AGPAT4: variants seen among roughly 807,000 people sequenced by gnomAD.
AGPAT4 encodes the protein 1-acylglycerol-3-phosphate O-acyltransferase 4.
In AGPAT4, 15 loss-of-function variants were observed where a neutral mutation model predicts 48.0. That is an observed-to-expected ratio of 0.31 (90% confidence interval 0.21 to 0.48). The LOEUF is 0.48. Ranked by LOEUF, AGPAT4 falls within the 20% of genes least tolerant of loss-of-function variation. The pLI is 0.99. For missense variants in AGPAT4, 314 were observed against 482.5 expected (o/e 0.65, Z 3.27); for synonymous variants, 178 against 198.7 (o/e 0.90, Z 0.88).
intron 5 of AGPAT4, among the ~76,000 whole-genome samples, chr6:161,151,807 T>C (rs924821601): frequency 6.6e-6 from 1 of 152,094 alleles, no homozygotes; most frequent in Non-Finnish European, 1.5e-5. Flanking sequence ...TGCTGGACAG[T>C]GCAGAGCGCA....
chr6:161,224,182 T>C (rs1423934524), intron 2 of AGPAT4, among the ~76,000 whole-genome samples: 1 of 152,192 alleles, frequency 6.6e-6, no homozygotes, highest in African/African-American at 2.4e-5. Flanking sequence ...GCTTGTTTGT[T>C]TGTTTGTTGT....
At position 161,133,575 on chromosome 6, in the gene AGPAT4, ATGGT is replaced by A. The variant is rs1778971118; in HGVS notation, c.*2961_*2964del. 1 of 152,156 alleles carries A rather than the reference ATGGT, an allele frequency of 6.6e-6. No individual in the cohort carries two copies. The highest frequency in any genetic ancestry group is 2.4e-5 in the African/African-American group (1 of 41,414). 9.4% of individuals were successfully genotyped at this position (152,156 alleles called of 1,614,324 possible). A position where few individuals can be genotyped will look rare whatever the true frequency, so the allele number is the denominator to read the frequency against. On this transcript the variant is annotated 3_prime_UTR_variant, in exon 9 of 9. Transcript: ENST00000320285. ...CCAGACCTCAAGCTGCATCTTCCAAATGGTTGGTGTCTTTTTAAGAGTCCCCGTG... is the reference window on the plus strand; with the variant it reads ...CCAGACCTCAAGCTGCATCTTCCAAATGGTGTCTTTTTAAGAGTCCCCGTG...
intron 2 of AGPAT4, among the ~76,000 whole-genome samples, chr6:161,168,498 T>C (rs758074788): frequency 6.6e-6 from 1 of 152,188 alleles, no homozygotes; most frequent in South Asian, 2.1e-4. Context: ...GACCACAGCG[T>C]GAGGTTCTCT....
chr6:161,252,601 T>A (rs1240010696), intron 1 of AGPAT4, among the ~76,000 whole-genome samples: 2 of 151,698 alleles, frequency 1.3e-5, no homozygotes, highest in Non-Finnish European at 2.9e-5. Flanking sequence ...AGGCGGGAGA[T>A]CTCTTGAGCC....
intron 3 of AGPAT4, among the ~76,000 whole-genome samples, chr6:161,156,502 CTG>C (rs1779772458): frequency 6.6e-6 from 1 of 152,226 alleles, no homozygotes; most frequent in Non-Finnish European, 1.5e-5. Flanking sequence ...TTTTCTATGA[CTG>C]TGTAATGGCT....
intron 8 of AGPAT4, 93 bp from the exon 9 acceptor site, chr6:161,136,727 A>C: frequency 9.3e-7 from 1 of 1,080,374 alleles, no homozygotes; most frequent in Non-Finnish European, 1.4e-6. Context: ...GTGGCCGCAA[A>C]TCACAAGCGC....
At position 161,139,044 on chromosome 6, in the gene AGPAT4, C is replaced by G. The variant is rs1465971649; in HGVS notation, c.1042+378G>C. 3.9e-5 allele frequency among the ~76,000 whole-genome samples: 6 copies of G among 152,226 alleles called. No homozygotes were observed. The highest frequency in any genetic ancestry group is 8.8e-5 in the Non-Finnish European group (6 of 68,030). On this transcript the variant is annotated intron_variant, in intron 8 of 8. Transcript: ENST00000320285. The surrounding 1 kb of genome is among the most constrained non-coding windows in gnomAD (Gnocchi z 9.1). ...AAGGCAGGGAGCTGCCCATCCGTCC[C>G]CGCCAGGCTCCAGCACAGGGCTTTC...
rs147931337 is a variant in AGPAT4 at position 161,151,679 on chromosome 6, C to T, written c.664+1667G>A. On this transcript the variant is annotated intron_variant, in intron 5 of 8. Transcript: ENST00000320285. Reference sequence around the variant, plus strand: ...CAGCCCTAACAGATTTTGCAGAACTCGGAGCAAACTTAGGATCAGAGAGAC... The same window carrying T: ...CAGCCCTAACAGATTTTGCAGAACTTGGAGCAAACTTAGGATCAGAGAGAC... Among the ~76,000 whole-genome samples the T allele has an allele frequency of 3.7e-4, 57 of 152,346 alleles. 1 individual carries two copies. In the East Asian group the frequency reaches 0.011, roughly 28 times the overall value.
rs1783196756 is a variant in AGPAT4, at chr6:161,264,630, G to A, written c.-90+9308C>T. On this transcript the variant is annotated intron_variant, in intron 1 of 8. Transcript: ENST00000320285. This position sits in a 1 kb window ranked among gnomAD's most constrained non-coding sequence, Gnocchi z 6.8. ...CTGAGGCTTCCGTCTTGCCCTCTGG[G>A]CAGCAGGCTCCTCAAAGGCACTTGC... Among the ~76,000 whole-genome samples, 1 of 152,190 alleles carries A rather than the reference G, an allele frequency of 6.6e-6. No homozygotes were observed. Among genetic ancestry groups the A allele is most frequent in the African/African-American group, 2.4e-5 (1 of 41,452 alleles).
rs930345706 is a variant in AGPAT4 at position 161,144,868 on chromosome 6, A to T, written c.843+1656T>A. The stretch of plus-strand genomic sequence containing the variant: ...TGGTGGCGGGTGCCTGTAGTCCCAG[A>T]TATTTGGGAGGCTGAGGCAGGAGAA... On this transcript the variant is annotated intron_variant, in intron 7 of 8. Coordinates refer to ENST00000320285, the MANE Select transcript of AGPAT4 (RefSeq NM_020133.3). This position sits in a 1 kb window ranked among gnomAD's most constrained non-coding sequence, Gnocchi z 6.6. 2.6e-5 allele frequency among the ~76,000 whole-genome samples: 4 copies of T among 151,938 alleles called. No individual in the cohort carries two copies. Among genetic ancestry groups the T allele is most frequent in the Admixed American group, 2.6e-4 (4 of 15,250 alleles).
chr6:161,206,197 T>C lies in AGPAT4; in HGVS notation c.178+25839A>G, dbSNP rs372260633. Among the ~76,000 whole-genome samples the C allele has an allele frequency of 4.6e-5, 7 of 152,284 alleles. No individual in the cohort carries two copies. Among genetic ancestry groups the C allele is most frequent in the African/African-American group, 1.7e-4 (7 of 41,546 alleles). On this transcript the variant is annotated intron_variant, in intron 2 of 8. Transcript: ENST00000320285. This position sits in a 1 kb window ranked among gnomAD's most constrained non-coding sequence, Gnocchi z 4.8. ...ACCAACCGAACTCATGGAAAAACTGTGGCCCTACCCCAACCCCCCATCAGC... is the reference window on the plus strand; with the variant it reads ...ACCAACCGAACTCATGGAAAAACTGCGGCCCTACCCCAACCCCCCATCAGC...
At chr6:161,152,791 G>A (rs779077958) in intron 5 of AGPAT4, among the ~76,000 whole-genome samples, 4 of 152,222 alleles carry the variant, frequency 2.6e-5, no homozygotes, top group African/African-American at 9.6e-5. Context: ...CTGTGAGGGC[G>A]TGGGGAGGCC....
rs1455268521 is a variant in AGPAT4 at position 161,220,476 on chromosome 6, T to C, written c.178+11560A>G. On this transcript the variant is annotated intron_variant, in intron 2 of 8. Coordinates refer to ENST00000320285, the MANE Select transcript of AGPAT4 (RefSeq NM_020133.3). This position sits in a 1 kb window ranked among gnomAD's most constrained non-coding sequence, Gnocchi z 6.0. The stretch of plus-strand genomic sequence containing the variant: ...TCAGATTAAAAACCCTAGAAGTATA[T>C]GGAACAACAGAACGGATGGCCTTGG... Among the ~76,000 whole-genome samples, 2 of 152,174 alleles carry C rather than the reference T, an allele frequency of 1.3e-5. No individual in the cohort carries two copies. The highest frequency in any genetic ancestry group is 4.8e-5 in the African/African-American group (2 of 41,434).
At chr6:161,239,642 T>C (rs1782423611) in intron 1 of AGPAT4, among the ~76,000 whole-genome samples, 1 of 152,186 alleles carries the variant, frequency 6.6e-6, no homozygotes, top group Admixed American at 6.5e-5. Context: ...AATCTAAACA[T>C]CTTATTGAAG....
chr6:161,145,732 T>C (rs1452756496), intron 7 of AGPAT4, among the ~76,000 whole-genome samples: 1 of 151,634 alleles, frequency 6.6e-6, no homozygotes, highest in Non-Finnish European at 1.5e-5. Flanking sequence ...ACAGAACCCA[T>C]GAGAGCCAGC....
At chr6:161,188,492 CAGGTAAAA>C (rs1490086764) in intron 2 of AGPAT4, among the ~76,000 whole-genome samples, 7 of 152,074 alleles carry the variant, frequency 4.6e-5, no homozygotes, top group Non-Finnish European at 8.8e-5. Flanking sequence ...TTAAGATGAC[CAGGTAAAA>C]TACAAGGTAC....
rs997066846 is a variant in AGPAT4, at chr6:161,261,636, C to A, written c.-90+12302G>T. ...AGGGATATTTTACCTTCCACAAATC[C>A]AGCTAATCATGTAGTGTTTGTAAGC... is the stretch of plus-strand genomic sequence containing the variant. On this transcript the variant is annotated intron_variant, in intron 1 of 8. Coordinates refer to ENST00000320285, the MANE Select transcript of AGPAT4 (RefSeq NM_020133.3). The surrounding 1 kb of genome is among the most constrained non-coding windows in gnomAD (Gnocchi z 5.3). Among the ~76,000 whole-genome samples, 1 of 152,198 alleles carries A rather than the reference C, an allele frequency of 6.6e-6. No individual in the cohort carries two copies. Among genetic ancestry groups the A allele is most frequent in the Non-Finnish European group, 1.5e-5 (1 of 68,038 alleles).
At chr6:161,257,326 G>A (rs968537299) in intron 1 of AGPAT4, among the ~76,000 whole-genome samples, 14 of 152,132 alleles carry the variant, frequency 9.2e-5, no homozygotes, top group African/African-American at 2.9e-4. Flanking sequence ...GCCAGACACA[G>A]AACAATACAT....
Position 161,169,103 on chromosome 6 carries a change from G to A in AGPAT4, c.179-2686C>T, listed in dbSNP as rs953210996. ...TGAAGGGGAGAGGAAGGGTGGGGAG[G>A]AGACAGAGGCAGATGGAGAGAAACC... On this transcript the variant is annotated intron_variant, in intron 2 of 8. Coordinates refer to ENST00000320285, the MANE Select transcript of AGPAT4 (RefSeq NM_020133.3). This position sits in a 1 kb window ranked among gnomAD's most constrained non-coding sequence, Gnocchi z 5.0. 1.3e-5 allele frequency among the ~76,000 whole-genome samples: 2 copies of A among 152,130 alleles called. No individual in the cohort carries two copies. The highest frequency in any genetic ancestry group is 4.8e-5 in the African/African-American group (2 of 41,422).
Sources: gnomAD v4.1 joint callset for allele counts (sites outside exome capture counted in the v4.1 genomes callset) on GRCh38, gnomAD v4.1.1 for gene constraint, Gnocchi (gnomAD v3.1) non-coding constraint, MANE v1.5 for transcripts, NCBI Gene and HGNC (gene_info 2026-07-23, HGNC 2026-07-21) for gene names.